SCARF2: variants seen among roughly 807,000 people sequenced by gnomAD.
The protein encoded by SCARF2 is scavenger receptor class F member 2, also known as scavenger receptor expressed by endothelial cells 2 protein.
Under a neutral mutation model 73.4 loss-of-function variants are expected in SCARF2, and 39 were observed. That is an observed-to-expected ratio of 0.53 (90% CI 0.41 to 0.69). The LOEUF (loss-of-function observed/expected upper bound fraction) is 0.69, where lower values mean the gene tolerates loss of function less well. SCARF2 is among the 30% of genes least tolerant of loss of function. The pLI is 0.00. For synonymous variants in SCARF2, 605 were observed against 590.0 expected (o/e 1.03, Z -0.37); for missense variants, 1,148 against 1,303.5 (o/e 0.88, Z 1.84).
At chr22:20,430,335 A>G (rs2052627829) in intron 6 of SCARF2, 94 bp downstream of exon 6, 6 of 1,432,506 alleles carry the variant, frequency 4.2e-6, no homozygotes, top group Non-Finnish European at 5.7e-6. Context: ...TGAGGTGATA[A>G]CCCAGCTCAG....
intron 9 of SCARF2, among the ~76,000 whole-genome samples, chr22:20,428,701 G>A (rs1236321455): frequency 1.3e-5 from 2 of 152,174 alleles, no homozygotes; most frequent in Non-Finnish European, 2.9e-5. Flanking sequence ...GAGGAAGAGA[G>A]GGTCCACCCA....
At chr22:20,427,655 C>T (rs1415741445) in intron 9 of SCARF2, 105 bp from the exon 10 acceptor site, 1 of 1,384,912 alleles carries the variant, frequency 7.2e-7, no homozygotes, top group South Asian at 1.3e-5. Flanking sequence ...AAGACCAGCC[C>T]TATTCTTGGA....
At chr22:20,434,359 G>A (rs982332835) in intron 1 of SCARF2, among the ~76,000 whole-genome samples, 8 of 152,162 alleles carry the variant, frequency 5.3e-5, no homozygotes, top group Non-Finnish European at 1.2e-4. Flanking sequence ...AAGAGAGCGC[G>A]CGCCAAGACC....
intron 3 of SCARF2, 42 bp from the exon 4 acceptor site, chr22:20,431,579 G>A (rs760442998): frequency 1.3e-6 from 2 of 1,548,654 alleles, no homozygotes; most frequent in South Asian, 2.4e-5. Context: ...CCCGGTGCTT[G>A]AGTAGGTGCC....
At chr22:20,435,734 A>G (rs2052692773) in intron 1 of SCARF2, among the ~76,000 whole-genome samples, 1 of 151,936 alleles carries the variant, frequency 6.6e-6, no homozygotes, top group African/African-American at 2.4e-5. Context: ...AGGAAACAGC[A>G]CTCCCCAACC....
rs918876656 is a variant in SCARF2, at chr22:20,425,294, G to T, written c.*81C>A. ...GTGCCCGGCCAATAGGAGGCCGCCC[G>T]TGCCCGGTAGCGTGGGAGGTGTGGG... On this transcript the variant is annotated 3_prime_UTR_variant, in exon 11 of 11. Coordinates refer to ENST00000622235, the MANE Select transcript of SCARF2 (RefSeq NM_182895.5). The surrounding 1 kb of genome is among the most constrained non-coding windows in gnomAD (Gnocchi z 4.6). 91 of 1,213,718 alleles carry T rather than the reference G, an allele frequency of 7.5e-5. No homozygotes were observed. Among genetic ancestry groups the T allele is most frequent in the African/African-American group, 1.6e-5 (1 of 62,894 alleles). 75.2% of individuals were successfully genotyped at this position (1,213,718 alleles called of 1,614,324 possible).
rs1340570161 is a variant in SCARF2 at position 20,425,504 on chromosome 22, A to G, written c.2472T>C (p.Pro824=). ...CGGGCAAGTCGGTCGCCGCCTTCTC[A>G]GGCCCCGGGGTTTCGGTCGCTGGGG... is the stretch of plus-strand genomic sequence containing the variant. ...RAPPATETPG[P]EKAATDLPAP... is the part of the protein sequence containing the mutation. The change falls in exon 11 of 11, where the codon CCT becomes CCC. Residue 824 remains proline, a synonymous_variant. Transcript: ENST00000622235. This position sits in a 1 kb window ranked among gnomAD's most constrained non-coding sequence, Gnocchi z 4.6. The G allele has an allele frequency of 1.5e-6, 2 of 1,357,020 alleles. No individual in the cohort carries two copies. The highest frequency in any genetic ancestry group is 2.4e-4 in the Middle Eastern group (1 of 4,172). The allele number at this position is 1,357,020 out of a possible 1,614,324, so 84.1% of individuals were successfully genotyped here.
rs755707503 is a variant in SCARF2 at position 20,431,276 on chromosome 22, G to A, written c.596C>T (p.Ala199Val). ...ATSRCDPQTG[A>V]CLCHAGWWGR... ...CCACCAGCCTGCGTGGCACAGGCAGGCGCCGGTCTGTGGGTCGCAGCGCGA... is the reference window on the plus strand; with the variant it reads ...CCACCAGCCTGCGTGGCACAGGCAGACGCCGGTCTGTGGGTCGCAGCGCGA... Residue 199 changes from alanine to valine, a missense_variant, in exon 4 of 11, where the codon GCC becomes GTC. Transcript: ENST00000622235. 4 of 1,535,852 alleles carry A rather than the reference G, an allele frequency of 2.6e-6. No homozygotes were observed. The highest frequency in any genetic ancestry group is 1.9e-4 in the Middle Eastern group (1 of 5,190).
Position 20,432,201 on chromosome 22 carries a change from A to C in SCARF2, c.174-213T>G, listed in dbSNP as rs5763025. Among the ~76,000 whole-genome samples, 131,778 of 152,124 alleles carry C rather than the reference A, an allele frequency of 0.87. 57,440 individuals are homozygous for C. Among genetic ancestry groups the C allele is most frequent in the African/African-American group, 0.96 (40,013 of 41,512 alleles). Reference sequence around the variant, plus strand: ...GCCAAGAACTTTCCAGCCCAGAACCACCCACCCCATCTCACCTAACTCCTT... The same window carrying C: ...GCCAAGAACTTTCCAGCCCAGAACCCCCCACCCCATCTCACCTAACTCCTT... On this transcript the variant is annotated intron_variant, in intron 1 of 10. Transcript: ENST00000622235.
chr22:20,436,680 C>G (rs931147955), intron 1 of SCARF2, among the ~76,000 whole-genome samples: 11 of 152,298 alleles, frequency 7.2e-5, no homozygotes, highest in Admixed American at 3.3e-4. Flanking sequence ...GCTGCCAGCC[C>G]GTGCGGCGTC....
chr22:20,435,355 C>T (rs930825721), intron 1 of SCARF2, among the ~76,000 whole-genome samples: 5 of 152,214 alleles, frequency 3.3e-5, no homozygotes, highest in Admixed American at 6.5e-5. Flanking sequence ...ATCTCCCTGG[C>T]TTTTTGTAAC....
chr22:20,430,983 A>G, intron 4 of SCARF2, 35 bp downstream of exon 4: 1 of 1,564,826 alleles, frequency 6.4e-7, no homozygotes, highest in Non-Finnish European at 8.6e-7. Flanking sequence ...CCGCCCTTCC[A>G]CCTCCTCCCT....
chr22:20,430,390 T>A, intron 6 of SCARF2, 39 bp downstream of exon 6: 1 of 1,553,108 alleles, frequency 6.4e-7, no homozygotes, highest in African/African-American at 1.4e-5. Context: ...CTGTGGCAGG[T>A]ACAAGCCCCC....
chr22:20,429,515 C>T lies in SCARF2; in HGVS notation c.1424+21G>A. The T allele has an allele frequency of 3.1e-6, 5 of 1,610,856 alleles. No homozygotes were observed. Among genetic ancestry groups the T allele is most frequent in the Non-Finnish European group, 4.2e-6 (5 of 1,179,282 alleles). ...GGTGCGGCCTGAACCCAGGCGAAAG[C>T]GGGGCAGTATCTGGGCTCACCGGCG... On this transcript the variant is annotated intron_variant, in intron 8 of 10. Coordinates refer to ENST00000622235, the MANE Select transcript of SCARF2 (RefSeq NM_182895.5). This position sits in a 1 kb window ranked among gnomAD's most constrained non-coding sequence, Gnocchi z 5.2.
intron 1 of SCARF2, among the ~76,000 whole-genome samples, chr22:20,433,226 G>C (rs568765609): frequency 4.6e-5 from 7 of 152,186 alleles, no homozygotes; most frequent in African/African-American, 1.7e-4. Flanking sequence ...ACATTCAGGG[G>C]CAGAGGAGGC....
Position 20,430,518 on chromosome 22 carries a change from G to A in SCARF2, c.1113C>T (p.Asp371=), listed in dbSNP as rs1042671730. Residue 371 remains aspartate (D), a synonymous_variant, in exon 6 of 11, where the codon GAC becomes GAT. Coordinates refer to ENST00000622235, the MANE Select transcript of SCARF2 (RefSeq NM_182895.5). ...CGCAGTCGGCGCACACGAAGGCGCAGTCCTCGCCGTAAGTGCCATTGCTAC... is the reference window on the plus strand; with the variant it reads ...CGCAGTCGGCGCACACGAAGGCGCAATCCTCGCCGTAAGTGCCATTGCTAC... ...TKCSNGTYGE[D]CAFVCADCGS... The A allele has an allele frequency of 5.0e-6, 8 of 1,607,390 alleles. No homozygotes were observed. In the Admixed American group the frequency reaches 1.3e-4, roughly 27 times the overall value.
rs772812842 is a variant in SCARF2 at position 20,437,586 on chromosome 22, G to A, written c.169C>T (p.Pro57Ser). ...NPRGRNVCRA[P>S]GSQVPTCCAG... ...CCCAGCCAGGCCGGCTCCTACCCGG[G>A]AGCACGGCACACGTTGCGGCCGCGA... The change falls in exon 1 of 11, where the codon CCC becomes TCC. Residue 57 changes from proline to serine, a missense_variant. Physicochemically the swap from Pro to Ser is moderately conservative, Grantham distance 74. Around this residue, in one of 5 missense-constraint regions of SCARF2, gnomAD observed 124 missense variants for 120.4 expected, o/e 1.03. Coordinates refer to ENST00000622235, the MANE Select transcript of SCARF2 (RefSeq NM_182895.5). 38 of 1,574,840 alleles carry A rather than the reference G, an allele frequency of 2.4e-5. No individual in the cohort carries two copies. The highest frequency in any genetic ancestry group is 3.2e-5 in the Non-Finnish European group (37 of 1,168,062).
chr22:20,431,636 T>G, intron 3 of SCARF2, 99 bp from the exon 4 acceptor site: 1 of 1,540,602 alleles, frequency 6.5e-7, no homozygotes, highest in Non-Finnish European at 8.8e-7. Flanking sequence ...AGCCGCCACC[T>G]CTGGGGACCC....
intron 6 of SCARF2, 99 bp downstream of exon 6, chr22:20,430,330 T>G: frequency 1.4e-6 from 2 of 1,413,120 alleles, no homozygotes; most frequent in Non-Finnish European, 1.9e-6. Context: ...AAGGCTGAGG[T>G]GATAACCCAG....
Sources: allele counts gnomAD v4.1 joint callset (sites outside exome capture counted in the v4.1 genomes callset), GRCh38; gene constraint gnomAD v4.1.1; regional missense constraint gnomAD v4.1.1; non-coding constraint Gnocchi (gnomAD v3.1); transcripts MANE v1.5; gene names NCBI Gene and HGNC (gene_info 2026-07-23, HGNC 2026-07-21).